The following ZBTB20 variants were observed in gnomAD, a reference collection of about 807,000 sequenced individuals.
ZBTB20 encodes the protein zinc finger and BTB domain containing 20, also known as zinc finger and BTB domain-containing protein 20.
Under a neutral mutation model 56.9 loss-of-function variants are expected in ZBTB20, and 9 were observed. The ratio of observed to expected loss-of-function variants is 0.16; its 90% confidence interval spans 0.10 to 0.28. The LOEUF (loss-of-function observed/expected upper bound fraction) is 0.28. Ranked by LOEUF, ZBTB20 falls within the 10% of genes least tolerant of loss-of-function variation. ZBTB20 has a pLI of 1.00. For synonymous variants in ZBTB20, 417 were observed against 420.7 expected (o/e 0.99, Z 0.11); for missense variants, 655 against 1,003.0 (o/e 0.65, Z 4.69).
At chr3:114,540,366 G>C (rs1212043521) in intron 6 of ZBTB20, among the ~76,000 whole-genome samples, 1 of 152,096 alleles carries the variant, frequency 6.6e-6, no homozygotes, top group Non-Finnish European at 1.5e-5. Context: ...TCCATAAGCA[G>C]AAAGGTGGAA....
chr3:114,952,640 G>T (rs776639152), intron 3 of ZBTB20, among the ~76,000 whole-genome samples: 1 of 151,744 alleles, frequency 6.6e-6, no homozygotes, highest in African/African-American at 2.4e-5. Context: ...AGAACTGCTG[G>T]AAATTGAAGA....
intron 5 of ZBTB20, among the ~76,000 whole-genome samples, chr3:114,705,027 G>C (rs1448721929): frequency 2.0e-5 from 3 of 151,978 alleles, no homozygotes; most frequent in Admixed American, 6.6e-5. Context: ...TCTCTATATA[G>C]TAGGTATTAT....
intron 4 of ZBTB20, among the ~76,000 whole-genome samples, chr3:114,851,235 G>A (rs1247621676): frequency 6.6e-6 from 1 of 152,092 alleles, no homozygotes; most frequent in African/African-American, 2.4e-5. Context: ...AAAAAAGTTG[G>A]TAACACATTT....
At chr3:114,809,638 T>C (rs185341579) in intron 4 of ZBTB20, among the ~76,000 whole-genome samples, 1 of 152,292 alleles carries the variant, frequency 6.6e-6, no homozygotes, top group Admixed American at 6.5e-5. Flanking sequence ...CTTTCAACTC[T>C]TTGTTTGCTA....
intron 7 of ZBTB20, among the ~76,000 whole-genome samples, chr3:114,475,897 T>G (rs547985370): frequency 6.6e-6 from 1 of 152,188 alleles, no homozygotes; most frequent in Admixed American, 6.5e-5. Context: ...ATATTCTTTT[T>G]TTTGAGATGG....
At chr3:114,970,575 A>G (rs1308834192) in intron 3 of ZBTB20, among the ~76,000 whole-genome samples, 1 of 152,202 alleles carries the variant, frequency 6.6e-6, no homozygotes, top group African/African-American at 2.4e-5. Context: ...GAAAGCAAAT[A>G]AGGTAAATGA....
chr3:114,899,176 T>C (rs1367563485), intron 4 of ZBTB20, among the ~76,000 whole-genome samples: 1 of 152,164 alleles, frequency 6.6e-6, no homozygotes, highest in Non-Finnish European at 1.5e-5. Context: ...GCCCCTCTTT[T>C]AGAATTACTA....
chr3:114,864,766 T>C (rs959040630), intron 4 of ZBTB20, among the ~76,000 whole-genome samples: 2 of 152,050 alleles, frequency 1.3e-5, no homozygotes, highest in Admixed American at 1.3e-4. Context: ...TTAAAAGAAA[T>C]TGAGAAGTAT....
Position 114,866,911 on chromosome 3 carries a change from C to T in ZBTB20, c.-417+33393G>A, listed in dbSNP as rs570230250. On this transcript the variant is annotated intron_variant, in intron 4 of 11. Transcript: ENST00000675478. The stretch of plus-strand genomic sequence containing the variant: ...ATAGATCTTGGGACTTGTGAGCTTC[C>T]ACAGTCATGTGAGTCAATTCCTTAT... 7.9e-5 allele frequency among the ~76,000 whole-genome samples: 12 copies of T among 152,224 alleles called. 1 individual carries two copies. Among genetic ancestry groups the T allele is most frequent in the Admixed American group, 3.3e-4 (5 of 15,290 alleles).
intron 3 of ZBTB20, among the ~76,000 whole-genome samples, chr3:114,931,714 TA>T (rs2107807475): frequency 6.6e-6 from 1 of 152,150 alleles, no homozygotes; most frequent in African/African-American, 2.4e-5. Context: ...GTTTTTTTTT[TA>T]GTTTGGTTTT....
At chr3:114,454,086 AAAG>A (rs1338011326) in intron 7 of ZBTB20, among the ~76,000 whole-genome samples, 1 of 150,688 alleles carries the variant, frequency 6.6e-6, no homozygotes, top group Non-Finnish European at 1.5e-5. Context: ...AAGAGGAAAA[AAAG>A]AAGAGAGAGG....
chr3:114,974,124 G>C (rs1176965594), intron 3 of ZBTB20, among the ~76,000 whole-genome samples: 1 of 149,446 alleles, frequency 6.7e-6, no homozygotes, highest in Non-Finnish European at 1.5e-5. Context: ...GAAGGAACAA[G>C]AGTTAGAGCA....
intron 5 of ZBTB20, among the ~76,000 whole-genome samples, chr3:114,740,769 A>G (rs565325172): frequency 2.6e-5 from 4 of 152,330 alleles, no homozygotes; most frequent in South Asian, 2.1e-4. Context: ...ATCTCTTTAA[A>G]CACTAAAATA....
At chr3:114,508,239 A>C (rs1005856523) in intron 6 of ZBTB20, among the ~76,000 whole-genome samples, 1 of 152,188 alleles carries the variant, frequency 6.6e-6, no homozygotes, top group African/African-American at 2.4e-5. Context: ...ATGTAAATCT[A>C]ATAACAGACT....
Position 114,351,099 on chromosome 3 carries a change from T to A in ZBTB20, c.979A>T (p.Ile327Phe). The A allele has an allele frequency of 6.2e-7, 1 of 1,609,500 alleles. No individual in the cohort carries two copies. The highest frequency in any genetic ancestry group is 8.5e-7 in the Non-Finnish European group (1 of 1,179,708). The change falls in exon 11 of 12, where the codon ATC (isoleucine) becomes TTC (phenylalanine). Residue 327 changes from isoleucine (I) to phenylalanine (F), a missense_variant. Coordinates refer to ENST00000675478, the MANE Select transcript of ZBTB20 (RefSeq NM_001348800.3). ...TCCTCCATCTCCTGCTTGATGTGGATGTTGCCCACTAGGGTCTGGATGCGC... is the reference window on the plus strand; with the variant it reads ...TCCTCCATCTCCTGCTTGATGTGGAAGTTGCCCACTAGGGTCTGGATGCGC... ...PVRIQTLVGN[I>F]HIKQEMEDDY...
At chr3:115,093,315 C>T (rs1265496382) in intron 1 of ZBTB20, among the ~76,000 whole-genome samples, 2 of 152,048 alleles carry the variant, frequency 1.3e-5, no homozygotes, top group Non-Finnish European at 2.9e-5. Flanking sequence ...ATAGGCCGTA[C>T]CACATCTTCA....
intron 2 of ZBTB20, among the ~76,000 whole-genome samples, chr3:115,010,179 G>C (rs1211334537): frequency 3.3e-5 from 5 of 151,230 alleles, no homozygotes; most frequent in African/African-American, 1.2e-4. Context: ...CTGGACCCAT[G>C]TGGAACCTGG....
intron 6 of ZBTB20, among the ~76,000 whole-genome samples, chr3:114,503,243 T>C (rs939166528): frequency 2.0e-5 from 3 of 152,158 alleles, no homozygotes; most frequent in Non-Finnish European, 4.4e-5. Flanking sequence ...TGTCACAGTC[T>C]AAAACAAATT....
intron 5 of ZBTB20, among the ~76,000 whole-genome samples, chr3:114,734,194 T>C (rs1360495830): frequency 6.6e-6 from 1 of 151,528 alleles, no homozygotes; most frequent in African/African-American, 2.4e-5. Flanking sequence ...AATAAATACA[T>C]ATATAATATG....
Sources: gnomAD v4.1 joint callset for allele counts (sites outside exome capture counted in the v4.1 genomes callset) on GRCh38, gnomAD v4.1.1 for gene constraint, MANE v1.5 for transcripts, NCBI Gene and HGNC (gene_info 2026-07-23, HGNC 2026-07-21) for gene names.